The following PCNX2 variants were observed in gnomAD, a reference collection of about 807,000 sequenced individuals.
PCNX2 encodes the protein pecanex 2.
A neutral mutation model predicts 223.8 loss-of-function variants in PCNX2; 168 were observed. That is an observed-to-expected ratio of 0.75 (90% confidence interval 0.66 to 0.85). PCNX2 has a LOEUF of 0.85. Ranked by LOEUF, PCNX2 falls within the 40% of genes least tolerant of loss-of-function variation. The probability of loss-of-function intolerance (pLI) is 0.00; values close to 1 mark genes in which losing one functional copy is unlikely to be tolerated. For missense variants in PCNX2, 2,507 were observed against 2,675.5 expected, an observed-to-expected ratio of 0.94 and a Z score of 1.39; for synonymous variants, 1,006 against 1,052.6, an observed-to-expected ratio of 0.96 and a Z score of 0.86.
chr1:233,059,998 A>C (rs1572056712), intron 23 of PCNX2, among the ~76,000 whole-genome samples: 1 of 152,228 alleles, frequency 6.6e-6, no homozygotes, highest in African/African-American at 2.4e-5. Context: ...CTTTCTTTTC[A>C]TGTATGTCTT....
Position 233,218,202 on chromosome 1 carries a change from A to T in PCNX2, c.2505-18T>A. 1 of 1,196,620 alleles carries T rather than the reference A, an allele frequency of 8.4e-7. No homozygotes were observed. Among genetic ancestry groups the T allele is most frequent in the Non-Finnish European group, 1.1e-6 (1 of 908,506 alleles). 74.1% of individuals were successfully genotyped at this position (1,196,620 alleles called of 1,614,324 possible). A position where few individuals can be genotyped will look rare whatever the true frequency, so the allele number is the denominator to read the frequency against. ...CTTCAGTTCTGTGCAAAATATATAC[A>T]TAAAAGCAAAAAAAAAAAAAAAAAA... On this transcript the variant is annotated intron_variant, in intron 10 of 33. Transcript: ENST00000258229.
chr1:233,315,028 A>T, the PCNX2 span, among the ~76,000 whole-genome samples: 3 of 152,202 alleles, frequency 2.0e-5, no homozygotes, highest in African/African-American at 7.2e-5. Context: ...ATAGGGTAAC[A>T]ACAACATCCA....
At chr1:233,141,215 G>T (rs1677091316) in intron 19 of PCNX2, among the ~76,000 whole-genome samples, 1 of 152,164 alleles carries the variant, frequency 6.6e-6, no homozygotes, top group Admixed American at 6.5e-5. Flanking sequence ...TTTCCAATCA[G>T]CTTCACTGGG....
At chr1:233,054,168 A>C in intron 25 of PCNX2, 100 bp downstream of exon 25, 1 of 1,045,288 alleles carries the variant, frequency 9.6e-7, no homozygotes, top group Non-Finnish European at 1.4e-6. Flanking sequence ...GGAAGACATT[A>C]AGTTTTTCCT....
At chr1:233,285,956 T>A (rs1471827522) in intron 1 of PCNX2, among the ~76,000 whole-genome samples, 1 of 152,254 alleles carries the variant, frequency 6.6e-6, no homozygotes, top group Non-Finnish European at 1.5e-5. Flanking sequence ...CAGGGCTATG[T>A]ATGCATAAAT....
intron 13 of PCNX2, 50 bp from the exon 14 acceptor site, chr1:233,200,314 C>A: frequency 1.5e-6 from 2 of 1,351,634 alleles, no homozygotes; most frequent in Non-Finnish European, 2.0e-6. Flanking sequence ...ACTGTGTTGC[C>A]AAGGCTCCTG....
At position 233,000,921 on chromosome 1, in the gene PCNX2, C is replaced by T. The variant is rs558235959; in HGVS notation, c.5098-386G>A. Reference sequence around the variant, plus strand: ...TTGGCTAAAGTCAAGACTATCTGGACGGCTTCAATGCTTAGTTACCTAAGT... The same window carrying T: ...TTGGCTAAAGTCAAGACTATCTGGATGGCTTCAATGCTTAGTTACCTAAGT... On this transcript the variant is annotated intron_variant, in intron 29 of 33. Transcript: ENST00000258229. The surrounding 1 kb of genome is among the most constrained non-coding windows in gnomAD (Gnocchi z 4.6). 1.2e-4 allele frequency among the ~76,000 whole-genome samples: 19 copies of T among 152,324 alleles called. No individual in the cohort carries two copies. The highest frequency in any genetic ancestry group is 6.2e-4 in the South Asian group (3 of 4,826).
At chr1:233,183,386 T>G (rs1679914339) in intron 15 of PCNX2, among the ~76,000 whole-genome samples, 1 of 152,168 alleles carries the variant, frequency 6.6e-6, no homozygotes, top group Admixed American at 6.5e-5. Flanking sequence ...GACATATCCT[T>G]GCGAGAATGA....
intron 25 of PCNX2, among the ~76,000 whole-genome samples, chr1:233,049,046 T>A (rs1298389882): frequency 6.6e-6 from 1 of 152,102 alleles, no homozygotes; most frequent in Non-Finnish European, 1.5e-5. Flanking sequence ...ACAACTGAAT[T>A]CTATCAGACA....
intron 17 of PCNX2, among the ~76,000 whole-genome samples, chr1:233,175,469 G>T (rs1679427811): frequency 6.6e-6 from 1 of 151,828 alleles, no homozygotes; most frequent in Non-Finnish European, 1.5e-5. Flanking sequence ...TTTTTTAACT[G>T]CAATAAATCA....
At chr1:233,106,616 T>C (rs1197602800) in intron 21 of PCNX2, among the ~76,000 whole-genome samples, 1 of 152,070 alleles carries the variant, frequency 6.6e-6, no homozygotes, top group Non-Finnish European at 1.5e-5. Context: ...CCTCCCAAAG[T>C]GCAGGGATTA....
intron 13 of PCNX2, among the ~76,000 whole-genome samples, chr1:233,205,568 A>G (rs61823924): frequency 0.27 from 40,347 of 151,892 alleles, 5,821 homozygotes; most frequent in East Asian, 0.56. Flanking sequence ...GATGGCACGC[A>G]CCTATAATCC....
chr1:233,224,417 G>C (rs1262518286), intron 10 of PCNX2, among the ~76,000 whole-genome samples: 1 of 152,214 alleles, frequency 6.6e-6, no homozygotes, highest in Non-Finnish European at 1.5e-5. Context: ...AGGAAGAACA[G>C]CCTGACTCTT....
intron 23 of PCNX2, among the ~76,000 whole-genome samples, chr1:233,069,023 T>C (rs1018876080): frequency 1.3e-5 from 2 of 152,002 alleles, no homozygotes; most frequent in African/African-American, 2.4e-5. Context: ...AAATGAAAAA[T>C]ATATACTATG....
chr1:233,004,381 T>C (rs1236159208), intron 28 of PCNX2, among the ~76,000 whole-genome samples: 2 of 152,080 alleles, frequency 1.3e-5, no homozygotes, highest in African/African-American at 4.8e-5. Context: ...CTGGGGCCTT[T>C]AAATTTTGGA....
chr1:233,151,665 C>T (rs1811881), intron 19 of PCNX2, among the ~76,000 whole-genome samples: 1 of 151,616 alleles, frequency 6.6e-6, no homozygotes, highest in African/African-American at 2.4e-5. Context: ...TCCTGTCTTT[C>T]TATCTTTTAT....
chr1:233,321,072 G>A, the PCNX2 span, among the ~76,000 whole-genome samples: 1 of 119,890 alleles, frequency 8.3e-6, no homozygotes, highest in Non-Finnish European at 1.6e-5. Context: ...CAGGCTGGAT[G>A]CAGTGGTGCG....
In PCNX2 at chr1:233,249,018, TAGAG is replaced by T. The variant is rs1339719450; in HGVS notation, c.2222+1717_2222+1720del. Reference sequence around the variant, plus strand: ...AAAGCAGAAGCTGGAGGAAGTTTAATAGAGAGAAATTTACGGGGAGAAAGCAAGT... The same window carrying T: ...AAAGCAGAAGCTGGAGGAAGTTTAATAGAAATTTACGGGGAGAAAGCAAGT... On this transcript the variant is annotated intron_variant, in intron 8 of 33. Transcript: ENST00000258229. 9.9e-5 allele frequency among the ~76,000 whole-genome samples: 15 copies of T among 152,120 alleles called. No homozygotes were observed. The East Asian group carries it at 2.9e-3, about 29-fold the overall frequency.
intron 26 of PCNX2, among the ~76,000 whole-genome samples, chr1:233,018,140 AGCCTCTAGAGTAACTAG>A (rs1670749665): frequency 6.6e-6 from 1 of 152,010 alleles, no homozygotes; most frequent in Non-Finnish European, 1.5e-5. Flanking sequence ...CTCCTGCCTC[AGCCTCTAGAGTAACTAG>A]GGCTACAGGT....
Sources: gnomAD v4.1 joint callset for allele counts (sites outside exome capture counted in the v4.1 genomes callset) on GRCh38, gnomAD v4.1.1 for gene constraint, Gnocchi (gnomAD v3.1) non-coding constraint, MANE v1.5 for transcripts, NCBI Gene and HGNC (gene_info 2026-07-23, HGNC 2026-07-21) for gene names.